Variants in TRIM6 observed in about 807,000 individuals in gnomAD.
TRIM6 encodes tripartite motif containing 6.
TRIM6 carries 43 observed loss-of-function variants against 51.2 expected under a neutral mutation model. The ratio of observed to expected loss-of-function variants is 0.84; its 90% CI spans 0.66 to 1.08. The LOEUF (loss-of-function observed/expected upper bound fraction) is 1.08. Ranked by LOEUF, TRIM6 falls within the 50% of genes least tolerant of loss-of-function variation. The pLI, the probability that TRIM6 is intolerant of heterozygous loss-of-function variation, is 0.00. For missense variants in TRIM6, 669 were observed against 619.0 expected (o/e 1.08, Z -0.86); for synonymous variants, 215 against 232.4 (o/e 0.93, Z 0.68).
chr11:5,597,387 A>G (rs951283079), intron 1 of TRIM6, among the ~76,000 whole-genome samples: 2 of 152,232 alleles, frequency 1.3e-5, no homozygotes, highest in African/African-American at 4.8e-5. Context: ...TTTTTAAATT[A>G]TAGGTTTCTG....
In TRIM6 at chr11:5,611,556, C is replaced by T. The variant is rs919345892; in HGVS notation, c.*214C>T. 3.7e-5 allele frequency: 18 copies of T among 485,070 alleles called. No homozygotes were observed. The highest frequency in any genetic ancestry group is 1.0e-4 in the East Asian group (3 of 29,002). 30.0% of individuals were successfully genotyped at this position (485,070 alleles called of 1,614,324 possible). On this transcript the variant is annotated 3_prime_UTR_variant, in exon 8 of 8. Transcript: ENST00000380097. ...GCAACCTCTGCCTCCTGGGTTCAAG[C>T]GAACCTCCTGCCTCAGCATCCCAAG...
At chr11:5,603,099 C>T (rs185926310) in intron 1 of TRIM6, 147 bp from the exon 2 acceptor site, 14 of 1,361,572 alleles carry the variant, frequency 1.0e-5, no homozygotes, top group African/African-American at 5.8e-5. Flanking sequence ...TTGTATGAGC[C>T]GGGATAAAGA....
At chr11:5,607,701 T>G (rs1399987735) in intron 4 of TRIM6, among the ~76,000 whole-genome samples, 1 of 152,218 alleles carries the variant, frequency 6.6e-6, no homozygotes, top group African/African-American at 2.4e-5. Context: ...TATTTCCTAT[T>G]TTGTTTAAAT....
At chr11:5,601,948 C>T (rs994790428) in intron 1 of TRIM6, among the ~76,000 whole-genome samples, 2 of 152,028 alleles carry the variant, frequency 1.3e-5, no homozygotes, top group Admixed American at 6.6e-5. Flanking sequence ...GGTGAAAGAG[C>T]TCATGGAAAG....
chr11:5,607,778 A>G (rs1848314711), intron 4 of TRIM6, among the ~76,000 whole-genome samples: 1 of 152,186 alleles, frequency 6.6e-6, no homozygotes, highest in South Asian at 2.1e-4. Flanking sequence ...TGCCGAACTA[A>G]GTTCTTTTAA....
Position 5,603,598 on chromosome 11 carries a change from C to T in TRIM6, c.370C>T (p.Leu124Phe). 1 of 1,613,830 alleles carries T rather than the reference C, an allele frequency of 6.2e-7. No homozygotes were observed. The highest frequency in any genetic ancestry group is 8.5e-7 in the Non-Finnish European group (1 of 1,180,002). Reference protein sequence around the residue: ...LGPGKQLKAVLCADHGEKLQL... With the variant: ...LGPGKQLKAVFCADHGEKLQL... ...CCCTGGGAAGCAGCTGAAAGCAGTTCTTTGTGCAGACCATGGAGAAAAACT... is the reference window on the plus strand; with the variant it reads ...CCCTGGGAAGCAGCTGAAAGCAGTTTTTTGTGCAGACCATGGAGAAAAACT... Residue 124 changes from leucine to phenylalanine, a missense_variant, in exon 2 of 8, where the codon CTT (leucine) becomes TTT (phenylalanine). Physicochemically the swap from Leu to Phe is conservative, Grantham distance 22. Coordinates refer to ENST00000380097, the MANE Select transcript of TRIM6 (RefSeq NM_001003818.3).
At chr11:5,604,701 A>G in intron 3 of TRIM6, 72 bp downstream of exon 3, 1 of 1,504,164 alleles carries the variant, frequency 6.6e-7, no homozygotes, top group South Asian at 1.3e-5. Context: ...AGGGCAAAGG[A>G]GTCCTTGTCC....
In TRIM6 at chr11:5,605,350, C is replaced by G. The variant is rs1488599944; in HGVS notation, c.617C>G (p.Pro206Arg). Reference protein sequence around the residue: ...KKTSWKNQMEPERCRIQTEFN... With the variant: ...KKTSWKNQMERERCRIQTEFN... ...CTGTTCCTGAAGAATCAGATGGAGC[C>G]TGAGAGATGCAGGATCCAGACAGAG... is the stretch of plus-strand genomic sequence containing the variant. Residue 206 changes from proline to arginine, a missense_variant, in exon 4 of 8, where the codon CCT becomes CGT. Pro to Arg is a moderately radical substitution (Grantham distance 103). Coordinates refer to ENST00000380097, the MANE Select transcript of TRIM6 (RefSeq NM_001003818.3). 2.5e-6 allele frequency: 4 copies of G among 1,613,934 alleles called. No individual in the cohort carries two copies. Among genetic ancestry groups the G allele is most frequent in the Non-Finnish European group, 3.4e-6 (4 of 1,180,028 alleles).
rs371869027 is a variant in TRIM6, at chr11:5,610,841, A to T, written c.1050A>T (p.Gln350His). 10 of 1,614,082 alleles carry T rather than the reference A, an allele frequency of 6.2e-6. No individual in the cohort carries two copies. In the East Asian group the frequency reaches 2.2e-4, roughly 36 times the overall value. Residue 350 changes from glutamine to histidine, a missense_variant, in exon 8 of 8, where the codon CAA becomes CAT. Transcript: ENST00000380097. ...TTGTCCTGGCTAAAAACCGGAGACA[A>T]GTGAGGTTTGTGGGAGCTAAAGTAT... ...LNLVLAKNRR[Q>H]VRFVGAKVSG...
At position 5,605,503 on chromosome 11, in the gene TRIM6, C is replaced by A; in HGVS notation, c.770C>A (p.Ser257Ter). 1.2e-6 allele frequency: 2 copies of A among 1,614,110 alleles called. No individual in the cohort carries two copies. Among genetic ancestry groups the A allele is most frequent in the Non-Finnish European group, 1.7e-6 (2 of 1,180,032 alleles). Residue 257 changes from serine to a stop codon, truncating the protein, a stop_gained, in exon 4 of 8, where the codon TCG becomes TAG. Transcript: ENST00000380097. LOFTEE classifies it high-confidence loss of function. ...AATGATCTGGTCCACCAGACCCAGT[C>A]GCTGCGAGAGCTCATCTCGGATCTG... ...AENDLVHQTQ[S>*]LRELISDLER...
At position 5,605,556 on chromosome 11, in the gene TRIM6, G is replaced by C. The variant is rs747677471; in HGVS notation, c.823G>C (p.Glu275Gln). 1.2e-6 allele frequency: 2 copies of C among 1,613,740 alleles called. No homozygotes were observed. Among genetic ancestry groups the C allele is most frequent in the South Asian group, 2.2e-5 (2 of 91,044 alleles). The change falls in exon 4 of 8, where the codon GAG becomes CAG. Residue 275 changes from glutamate to glutamine, a missense_variant. Transcript: ENST00000380097. Reference sequence around the variant, plus strand: ...GCGTCGATGTCAGGGGTCAACAATGGAGCTGCTGCAGGTAAGGCTTGTGAA... The same window carrying C: ...GCGTCGATGTCAGGGGTCAACAATGCAGCTGCTGCAGGTAAGGCTTGTGAA... Reference protein sequence around the residue: ...LERRCQGSTMELLQDVSDVTE... With the variant: ...LERRCQGSTMQLLQDVSDVTE...
rs1848564358 is a variant in TRIM6 at position 5,611,285 on chromosome 11, A to G, written c.1494A>G (p.Pro498=). The change falls in exon 8 of 8, where the codon CCA becomes CCG. Residue 498 remains proline (P), a synonymous_variant. Transcript: ENST00000380097. ...ATTACTTTCCCACTACTCTTTGTCC[A>G]TATTTTAATCCTTGCAACTGTGTAA... The part of the protein sequence containing the change: ...SKYYFPTTLC[P]YFNPCNCVIP... 1 of 1,614,154 alleles carries G rather than the reference A, an allele frequency of 6.2e-7. No individual in the cohort carries two copies. The highest frequency in any genetic ancestry group is 8.5e-7 in the Non-Finnish European group (1 of 1,180,008).
intron 5 of TRIM6, 34 bp from the exon 6 acceptor site, chr11:5,610,111 C>T (rs771781087): frequency 6.2e-7 from 1 of 1,604,424 alleles, no homozygotes; most frequent in South Asian, 1.1e-5. Flanking sequence ...CCACAGTCAG[C>T]AGTGTGGGAA....
rs574293699 is a variant in TRIM6, at chr11:5,612,204, G to A, written c.*862G>A. The A allele has an allele frequency of 6.6e-6, 1 of 152,042 alleles. No homozygotes were observed. Among genetic ancestry groups the A allele is most frequent in the Admixed American group, 6.6e-5 (1 of 15,254 alleles). The allele number at this position is 152,042 out of a possible 1,614,324, so 9.4% of individuals were successfully genotyped here. A position where few individuals can be genotyped will look rare whatever the true frequency, so the allele number is the denominator to read the frequency against. ...AATTGGCCTGTATTTTTACATTCTT[G>A]TAATATCTTTGCCAGGTTCTATAAA... On this transcript the variant is annotated 3_prime_UTR_variant, in exon 8 of 8. Coordinates refer to ENST00000380097, the MANE Select transcript of TRIM6 (RefSeq NM_001003818.3).
In TRIM6 at chr11:5,604,177, C is replaced by CGT. The variant is rs138228287; in HGVS notation, c.508-344_508-343dup. Among the ~76,000 whole-genome samples, 864 of 131,434 alleles carry CGT rather than the reference C, an allele frequency of 6.6e-3. 6 individuals carry two copies. Among genetic ancestry groups the CGT allele is most frequent in the African/African-American group, 0.02 (798 of 38,956 alleles). 86.2% of individuals were successfully genotyped at this position (131,434 alleles called of 152,430 possible). A position where few individuals can be genotyped will look rare whatever the true frequency, so the allele number is the denominator to read the frequency against. ...GCCCAGCTAATTGTGTGTGTGTGTGCGTGTGTGTGTGTGTTTAGTAGAGAT... is the reference window on the plus strand; with the variant it reads ...GCCCAGCTAATTGTGTGTGTGTGTGCGTGTGTGTGTGTGTGTTTAGTAGAGAT... On this transcript the variant is annotated intron_variant, in intron 2 of 7. Transcript: ENST00000380097.
rs1489203422 is a variant in TRIM6, at chr11:5,596,673, G to C, written c.-225G>C. Reference sequence around the variant, plus strand: ...GGAGATGAGCCTTCCGCAAACTCCTGACCTGTGGGTCCGTCCGTTCAACGG... The same window carrying C: ...GGAGATGAGCCTTCCGCAAACTCCTCACCTGTGGGTCCGTCCGTTCAACGG... On this transcript the variant is annotated 5_prime_UTR_variant, in exon 1 of 8. Coordinates refer to ENST00000380097, the MANE Select transcript of TRIM6 (RefSeq NM_001003818.3). 3 of 626,684 alleles carry C rather than the reference G, an allele frequency of 4.8e-6. No homozygotes were observed. The highest frequency in any genetic ancestry group is 8.1e-6 in the Non-Finnish European group (3 of 370,416). The allele number at this position is 626,684 out of a possible 1,614,324, so 38.8% of individuals were successfully genotyped here.
intron 3 of TRIM6, 114 bp from the exon 4 acceptor site, chr11:5,605,223 T>A: frequency 7.2e-7 from 1 of 1,398,168 alleles, no homozygotes. Flanking sequence ...ACCCTCCCTC[T>A]CCCTGGGAGG....
In TRIM6 at chr11:5,603,516, G is replaced by A; in HGVS notation, c.288G>A (p.Leu96=). The change falls in exon 2 of 8, where the codon CTG becomes CTA. Residue 96 remains leucine (L), a synonymous_variant. Transcript: ENST00000380097. ...AGACCAGCTACCAGCCAGGGAACCT[G>A]CGGCCTAATCGGCATCTGGCCAACA... ...VCQTSYQPGN[L]RPNRHLANIV... is the part of the protein sequence containing the mutation. 3 of 1,614,100 alleles carry A rather than the reference G, an allele frequency of 1.9e-6. No individual in the cohort carries two copies. Among genetic ancestry groups the A allele is most frequent in the Non-Finnish European group, 2.5e-6 (3 of 1,180,024 alleles).
chr11:5,606,342 G>C (rs748813759), intron 4 of TRIM6, among the ~76,000 whole-genome samples: 3 of 152,188 alleles, frequency 2.0e-5, no homozygotes, highest in Non-Finnish European at 4.4e-5. Flanking sequence ...GGAGGGACTT[G>C]AACTGAGGTT....
Sources: allele counts gnomAD v4.1 joint callset (sites outside exome capture counted in the v4.1 genomes callset), GRCh38; gene constraint gnomAD v4.1.1; transcripts MANE v1.5; gene names NCBI Gene and HGNC (gene_info 2026-07-23, HGNC 2026-07-21).